Variants in DACH2 observed in about 807,000 individuals in gnomAD.
DACH2 encodes the protein dachshund family transcription factor 2, also known as dachshund homolog 2.
Under a neutral mutation model 35.8 loss-of-function variants are expected in DACH2, and 17 were observed. The observed-to-expected ratio is 0.48, with a 90% CI of 0.33 to 0.71. The LOEUF is 0.71. Ranked by LOEUF, DACH2 falls within the 30% of genes least tolerant of loss-of-function variation. The pLI is 0.02. For missense variants in DACH2, 469 were observed against 472.7 expected (o/e 0.99, Z 0.07); for synonymous variants, 195 against 177.3 (o/e 1.10, Z -0.79).
chrX:86,744,476 A>G (rs964621039), intron 7 of DACH2, among the ~76,000 whole-genome samples: 1 of 110,115 alleles, frequency 9.1e-6, no homozygotes, highest in Non-Finnish European at 1.9e-5. Context: ...TGTGGCAAAC[A>G]TATGTTTTCA....
intron 1 of DACH2, among the ~76,000 whole-genome samples, chrX:86,320,080 T>C (rs1379444337): frequency 9.0e-6 from 1 of 111,527 alleles, no homozygotes; most frequent in Non-Finnish European, 1.9e-5. Context: ...AGATTTTTTT[T>C]CCAAAATGGG....
chrX:86,367,958 T>A (rs1434211467), intron 1 of DACH2, among the ~76,000 whole-genome samples: 1 of 110,963 alleles, frequency 9.0e-6, no homozygotes, highest in East Asian at 2.9e-4. Context: ...ACCTCCTACT[T>A]GGTCTCCTCA....
intron 3 of DACH2, among the ~76,000 whole-genome samples, chrX:86,546,256 A>T (rs934921021): frequency 9.0e-6 from 1 of 110,667 alleles, no homozygotes; most frequent in African/African-American, 3.3e-5. Flanking sequence ...AAGGGAGTAG[A>T]TGTTCAATGT....
At chrX:86,805,099 C>G (rs2042331058) in intron 7 of DACH2, among the ~76,000 whole-genome samples, 1 of 112,593 alleles carries the variant, frequency 8.9e-6, no homozygotes, top group South Asian at 3.7e-4. Flanking sequence ...GCTCTGCACT[C>G]GTAGAGGTTC....
intron 7 of DACH2, among the ~76,000 whole-genome samples, chrX:86,802,205 T>C (rs2042300590): frequency 9.0e-6 from 1 of 111,416 alleles, no homozygotes; most frequent in African/African-American, 3.3e-5. Flanking sequence ...TTAGCATCAA[T>C]TGGGCACTTA....
At chrX:86,758,574 T>C (rs973875652) in intron 7 of DACH2, among the ~76,000 whole-genome samples, 7 of 112,130 alleles carry the variant, frequency 6.2e-5, no homozygotes, top group African/African-American at 1.9e-4. Flanking sequence ...TTTTAATCCA[T>C]TGTGGTTTGA....
At chrX:86,745,975 C>G (rs1179043548) in intron 7 of DACH2, among the ~76,000 whole-genome samples, 1 of 111,477 alleles carries the variant, frequency 9.0e-6, no homozygotes, top group African/African-American at 3.3e-5. Context: ...GTTTGCATTT[C>G]TCTAATGATC....
intron 1 of DACH2, among the ~76,000 whole-genome samples, chrX:86,277,219 A>G (rs1376493047): frequency 9.0e-6 from 1 of 111,048 alleles, no homozygotes; most frequent in Non-Finnish European, 1.9e-5. Flanking sequence ...AGTCTTTTAT[A>G]GTTTTTATTA....
At chrX:86,374,289 T>G (rs2035932523) in intron 1 of DACH2, among the ~76,000 whole-genome samples, 1 of 111,362 alleles carries the variant, frequency 9.0e-6, no homozygotes, top group African/African-American at 3.2e-5. Flanking sequence ...GAAAATTTAT[T>G]TATCAGTGAT....
chrX:86,210,081 G>A (rs1165963513), intron 1 of DACH2, among the ~76,000 whole-genome samples: 1 of 111,689 alleles, frequency 9.0e-6, no homozygotes, highest in Non-Finnish European at 1.9e-5. Context: ...ATGATAATTT[G>A]ATGTGAGTCC....
At chrX:86,642,740 A>C (rs1295660863) in intron 3 of DACH2, among the ~76,000 whole-genome samples, 2 of 112,195 alleles carry the variant, frequency 1.8e-5, no homozygotes, top group Non-Finnish European at 3.8e-5. Flanking sequence ...AAAAGAACCA[A>C]AATCATTCCA....
intron 3 of DACH2, among the ~76,000 whole-genome samples, chrX:86,532,672 G>A (rs1299874036): frequency 1.8e-5 from 2 of 111,060 alleles, no homozygotes; most frequent in African/African-American, 6.6e-5. Flanking sequence ...GTATGAAAAT[G>A]AACTAATAGT....
At chrX:86,357,403 A>G (rs1034639550) in intron 1 of DACH2, among the ~76,000 whole-genome samples, 1 of 112,472 alleles carries the variant, frequency 8.9e-6, no homozygotes, top group African/African-American at 3.2e-5. Flanking sequence ...TTTCTGCATT[A>G]TAGAGCTTTA....
chrX:86,376,753 G>T, intron 1 of DACH2, 71 bp from the exon 2 acceptor site: 1 of 1,087,315 alleles, frequency 9.2e-7, no homozygotes, highest in Admixed American at 3.7e-5. Context: ...TTGCTTAATT[G>T]GAAGCTAACT....
intron 2 of DACH2, among the ~76,000 whole-genome samples, chrX:86,482,982 G>T (rs778046862): frequency 1.1e-4 from 9 of 78,837 alleles, no homozygotes; most frequent in African/African-American, 4.3e-4. Context: ...ACACTCTGGG[G>T]ACTGTTGTGG....
intron 1 of DACH2, among the ~76,000 whole-genome samples, chrX:86,331,447 G>A (rs911750605): frequency 3.6e-5 from 4 of 110,268 alleles, no homozygotes; most frequent in African/African-American, 6.6e-5. Flanking sequence ...AAATTAGAAT[G>A]TAAATCCTGG....
At chrX:86,182,476 G>T (rs946371700) in intron 1 of DACH2, among the ~76,000 whole-genome samples, 2 of 111,837 alleles carry the variant, frequency 1.8e-5, no homozygotes, top group African/African-American at 6.5e-5. Context: ...TGTCAGGTTT[G>T]TCAAAGATCA....
At chrX:86,784,005 G>A (rs2042113258) in intron 7 of DACH2, among the ~76,000 whole-genome samples, 1 of 110,972 alleles carries the variant, frequency 9.0e-6, no homozygotes, top group Admixed American at 9.6e-5. Flanking sequence ...TAACTGGTTT[G>A]TAACTCGAAG....
At chrX:86,494,252 CTT>C (rs1471044402) in intron 2 of DACH2, among the ~76,000 whole-genome samples, 4 of 111,989 alleles carry the variant, frequency 3.6e-5, no homozygotes, top group Admixed American at 9.5e-5. Context: ...CAGGGAGTGA[CTT>C]TTAAAAACTT....
Sources: gnomAD v4.1 joint callset for allele counts (sites outside exome capture counted in the v4.1 genomes callset) on GRCh38, gnomAD v4.1.1 for gene constraint, MANE v1.5 for transcripts, NCBI Gene and HGNC (gene_info 2026-07-23, HGNC 2026-07-21) for gene names.